NPAS3: variants seen among roughly 807,000 people sequenced by gnomAD.
NPAS3 encodes the protein neuronal PAS domain protein 3.
NPAS3 carries 14 observed loss-of-function variants against 73.1 expected under a neutral mutation model. The ratio of observed to expected loss-of-function variants is 0.19; its 90% CI spans 0.13 to 0.30. NPAS3 has a LOEUF of 0.30. Among genes scored for constraint, NPAS3 ranks in the 10% least tolerant of loss-of-function variants. The pLI is 1.00. For synonymous variants in NPAS3, 620 were observed against 541.5 expected (o/e 1.14, Z -2.01); for missense variants, 1,096 against 1,250.0 (o/e 0.88, Z 1.86).
At chr14:33,781,120 A>G (rs2062966668) in intron 9 of NPAS3, among the ~76,000 whole-genome samples, 1 of 152,226 alleles carries the variant, frequency 6.6e-6, no homozygotes, top group South Asian at 2.1e-4. Context: ...ACAATTAGTA[A>G]AACTGTAGGG....
At chr14:33,603,351 G>T (rs57278547) in intron 5 of NPAS3, among the ~76,000 whole-genome samples, 29,170 of 152,066 alleles carry the variant, frequency 0.19, 3,197 homozygotes, top group East Asian at 0.42. Context: ...TGAGCTGGGG[G>T]ACAACTTCAA....
rs113116550 is a variant in NPAS3, at chr14:33,507,015, GA to G, written c.469-53095del. 6.0e-3 allele frequency among the ~76,000 whole-genome samples: 899 copies of G among 148,884 alleles called. 20 individuals carry two copies. The highest frequency in any genetic ancestry group is 0.044 in the Admixed American group (659 of 14,910). On this transcript the variant is annotated intron_variant, in intron 4 of 11. Coordinates refer to ENST00000356141, the Ensembl canonical transcript of NPAS3. ...GGAGATCAACAATAAACTCAGATTG[GA>G]AAAAAAAAAATTGTATTGCTCCATG... is the stretch of plus-strand genomic sequence containing the variant.
At chr14:33,178,094 G>A (rs1271357570) in intron 2 of NPAS3, among the ~76,000 whole-genome samples, 1 of 107,576 alleles carries the variant, frequency 9.3e-6, no homozygotes, top group African/African-American at 3.8e-5. Flanking sequence ...TTTTTTTTTG[G>A]AGACAGAGTC....
chr14:33,777,136 C>T (rs796196913), intron 8 of NPAS3, among the ~76,000 whole-genome samples: 2 of 152,172 alleles, frequency 1.3e-5, no homozygotes, highest in Non-Finnish European at 2.9e-5. Context: ...TTCAGAGGAG[C>T]TGGCAAATTT....
intron 5 of NPAS3, among the ~76,000 whole-genome samples, chr14:33,586,824 G>A (rs980489610): frequency 6.6e-6 from 1 of 152,188 alleles, no homozygotes; most frequent in East Asian, 1.9e-4. Flanking sequence ...ACCACACCAT[G>A]TAGTTTGTAA....
exon 12 of NPAS3, chr14:33,799,876 G>A (rs1386814390): frequency 1.9e-6 from 3 of 1,614,018 alleles, no homozygotes; most frequent in African/African-American, 2.7e-5. Context: ...CCAGTAACCC[G>A]GACAGCCGCG....
At chr14:33,499,104 T>C (rs557644092) in intron 4 of NPAS3, among the ~76,000 whole-genome samples, 9 of 151,846 alleles carry the variant, frequency 5.9e-5, no homozygotes, top group Non-Finnish European at 1.3e-4. Context: ...ATTAACACTG[T>C]AGGAAAAGCC....
At chr14:33,671,814 G>A (rs1240447782) in intron 5 of NPAS3, among the ~76,000 whole-genome samples, 2 of 152,144 alleles carry the variant, frequency 1.3e-5, no homozygotes, top group Non-Finnish European at 2.9e-5. Flanking sequence ...AAAGATCAAT[G>A]GGTCTGTTAT....
chr14:33,600,660 A>C (rs1484316095), intron 5 of NPAS3, among the ~76,000 whole-genome samples: 1 of 152,252 alleles, frequency 6.6e-6, no homozygotes, highest in African/African-American at 2.4e-5. Flanking sequence ...ACGATGACAC[A>C]GGAAGTGGTG....
At chr14:33,014,281 G>A (rs527664248) in intron 1 of NPAS3, among the ~76,000 whole-genome samples, 2 of 152,222 alleles carry the variant, frequency 1.3e-5, no homozygotes, top group East Asian at 3.9e-4. Flanking sequence ...TATTTATCGA[G>A]AATATTTGTT....
At chr14:33,348,964 C>T (rs1167984929) in intron 3 of NPAS3, among the ~76,000 whole-genome samples, 1 of 152,166 alleles carries the variant, frequency 6.6e-6, no homozygotes, top group African/African-American at 2.4e-5. Context: ...TTCACTTTTG[C>T]CCTTGCCAGG....
chr14:33,051,280 C>CAAAA (rs1236766783), intron 1 of NPAS3, among the ~76,000 whole-genome samples: 7 of 64,254 alleles, frequency 1.1e-4, no homozygotes, highest in African/African-American at 3.2e-4. Flanking sequence ...GACTCCGTCT[C>CAAAA]AAAAAAAAAA....
At chr14:33,272,607 G>A (rs1189147440) in intron 3 of NPAS3, among the ~76,000 whole-genome samples, 1 of 151,956 alleles carries the variant, frequency 6.6e-6, no homozygotes, top group Non-Finnish European at 1.5e-5. Context: ...AATAGAGATG[G>A]GGTTTCACCA....
intron 4 of NPAS3, among the ~76,000 whole-genome samples, chr14:33,453,860 T>G (rs1459073539): frequency 1.3e-5 from 2 of 152,154 alleles, no homozygotes; most frequent in African/African-American, 4.8e-5. Context: ...CTTTGTTTGT[T>G]TGTTTTGTTA....
intron 3 of NPAS3, among the ~76,000 whole-genome samples, chr14:33,271,382 G>A (rs1366429581): frequency 6.6e-6 from 1 of 152,148 alleles, no homozygotes; most frequent in Non-Finnish European, 1.5e-5. Flanking sequence ...TGGCTTCAGG[G>A]AAAGGGGGTT....
At chr14:33,801,317 C>T (rs1405697198), downstream of NPAS3, 1 of 980,796 alleles carries the variant, frequency 1.0e-6, no homozygotes, top group Non-Finnish European at 1.4e-6. Context: ...GAGGGTCAGA[C>T]GACCAGTTGC....
intron 4 of NPAS3, among the ~76,000 whole-genome samples, chr14:33,544,819 T>TAA (rs1279897233): frequency 1.2e-4 from 12 of 96,804 alleles, no homozygotes; most frequent in African/African-American, 4.9e-4. Context: ...TATGTATATA[T>TAA]AATATATATG....
intron 2 of NPAS3, among the ~76,000 whole-genome samples, chr14:33,133,655 C>G (rs963956425): frequency 6.6e-6 from 1 of 152,090 alleles, no homozygotes; most frequent in Non-Finnish European, 1.5e-5. Flanking sequence ...TAAACTTGTC[C>G]GTAGTTTGTA....
chr14:33,370,026 T>G (rs149903484), intron 4 of NPAS3, among the ~76,000 whole-genome samples: 2 of 152,288 alleles, frequency 1.3e-5, no homozygotes, highest in East Asian at 3.9e-4. Context: ...AAATAGTTGA[T>G]AAAAACCTGT....
Sources: gnomAD v4.1 joint callset for allele counts (sites outside exome capture counted in the v4.1 genomes callset) on GRCh38, gnomAD v4.1.1 for gene constraint, MANE v1.5 for transcripts, NCBI Gene and HGNC (gene_info 2026-07-23, HGNC 2026-07-21) for gene names.